The following KCNK2 variants were observed in gnomAD, a reference collection of about 807,000 sequenced individuals.
KCNK2 encodes potassium two pore domain channel subfamily K member 2, also known as potassium channel subfamily K member 2.
In KCNK2, 21 loss-of-function variants were observed where a neutral mutation model predicts 40.5. That is an observed-to-expected ratio of 0.52 (90% confidence interval 0.37 to 0.75). The LOEUF (loss-of-function observed/expected upper bound fraction) is 0.75. Among genes scored for constraint, KCNK2 ranks in the 30% least tolerant of loss-of-function variants. The probability of loss-of-function intolerance (pLI) is 0.00; values close to 1 mark genes in which losing one functional copy is unlikely to be tolerated. For missense variants in KCNK2, 399 were observed against 531.6 expected, an observed-to-expected ratio of 0.75 and a Z score of 2.45; for synonymous variants, 191 against 202.2, an observed-to-expected ratio of 0.94 and a Z score of 0.47.
chr1:215,109,797 C>A (rs1485061534), intron 2 of KCNK2, among the ~76,000 whole-genome samples: 1 of 151,996 alleles, frequency 6.6e-6, no homozygotes, highest in Non-Finnish European at 1.5e-5. Context: ...GAATCTCTAT[C>A]CTGCTTTTTA....
intron 5 of KCNK2, among the ~76,000 whole-genome samples, chr1:215,179,544 A>G (rs1664139241): frequency 6.6e-6 from 1 of 151,790 alleles, no homozygotes. Context: ...CTTTTGCTGT[A>G]TATTGTATAT....
intron 2 of KCNK2, among the ~76,000 whole-genome samples, chr1:215,103,577 C>G (rs1660310994): frequency 6.6e-6 from 1 of 151,964 alleles, no homozygotes; most frequent in Admixed American, 6.6e-5. Context: ...GATGTTTTAT[C>G]AGACAATGAC....
At chr1:215,199,848 A>T (rs1397151934) in intron 6 of KCNK2, among the ~76,000 whole-genome samples, 1 of 152,200 alleles carries the variant, frequency 6.6e-6, no homozygotes, top group East Asian at 1.9e-4. Context: ...GGAGTAGAGC[A>T]TCGTTACTAC....
At chr1:215,061,888 A>G (rs137989998) in intron 1 of KCNK2, among the ~76,000 whole-genome samples, 29 of 152,286 alleles carry the variant, frequency 1.9e-4, no homozygotes, top group African/African-American at 7.0e-4. Flanking sequence ...GTCTAAGGGT[A>G]GGAGGAATAA....
chr1:215,128,937 A>T (rs1661554024), intron 3 of KCNK2, among the ~76,000 whole-genome samples: 1 of 152,202 alleles, frequency 6.6e-6, no homozygotes. Context: ...GTGAAGTAAA[A>T]GTTTAAAAGT....
chr1:215,170,957 T>C (rs77438099), intron 4 of KCNK2, among the ~76,000 whole-genome samples: 2,132 of 152,218 alleles, frequency 0.014, 57 homozygotes, highest in African/African-American at 0.046. Context: ...CAAGCACTAT[T>C]GTATAATCTT....
intron 3 of KCNK2, among the ~76,000 whole-genome samples, chr1:215,153,264 A>G (rs1413422060): frequency 6.6e-6 from 1 of 152,180 alleles, no homozygotes; most frequent in Non-Finnish European, 1.5e-5. Flanking sequence ...GGGTTTGTCA[A>G]TTTATCATTA....
At chr1:215,104,054 A>G (rs1660332509) in intron 2 of KCNK2, among the ~76,000 whole-genome samples, 1 of 152,090 alleles carries the variant, frequency 6.6e-6, no homozygotes. Flanking sequence ...TACATCTGAA[A>G]GGCAGGCAAT....
chr1:215,064,872 C>G (rs183495513), intron 1 of KCNK2, among the ~76,000 whole-genome samples: 6 of 152,288 alleles, frequency 3.9e-5, no homozygotes, highest in Non-Finnish European at 8.8e-5. Context: ...TCCTCTTCCT[C>G]CCAATTTCTT....
intron 1 of KCNK2, among the ~76,000 whole-genome samples, chr1:215,022,179 G>A (rs939297948): frequency 3.0e-4 from 31 of 102,352 alleles, no homozygotes; most frequent in Non-Finnish European, 7.4e-4. Flanking sequence ...TCCTTTCCTA[G>A]GAGCACTCTA....
chr1:215,209,420 AT>A (rs1665494109), intron 6 of KCNK2, among the ~76,000 whole-genome samples: 2 of 49,338 alleles, frequency 4.1e-5, no homozygotes, highest in Non-Finnish European at 6.5e-5. Context: ...TATATTATAT[AT>A]AATATATATA....
chr1:215,193,524 T>C (rs1178247767), intron 5 of KCNK2, among the ~76,000 whole-genome samples: 1 of 152,226 alleles, frequency 6.6e-6, no homozygotes, highest in Middle Eastern at 3.4e-3. Context: ...CTCTCACTTA[T>C]CCCACCAAGT....
intron 1 of KCNK2, among the ~76,000 whole-genome samples, chr1:215,073,120 C>A (rs181279290): frequency 2.6e-5 from 4 of 152,122 alleles, no homozygotes; most frequent in African/African-American, 4.8e-5. Flanking sequence ...GAGACTGGAG[C>A]GCTGCGTCTA....
chr1:215,230,511 A>ATATATATATATGTATATATATATATATG (rs1666599318), intron 6 of KCNK2, among the ~76,000 whole-genome samples: 2 of 23,824 alleles, frequency 8.4e-5, no homozygotes, highest in East Asian at 8.4e-3. Flanking sequence ...ACGGCTGTAT[A>ATATATATATATGTATATATATATATATG]TATATATATA....
intron 1 of KCNK2, among the ~76,000 whole-genome samples, chr1:215,085,941 G>T (rs143718637): frequency 6.6e-6 from 1 of 152,268 alleles, no homozygotes; most frequent in African/African-American, 2.4e-5. Flanking sequence ...GTGATATAAA[G>T]TTCTTGAGAA....
At chr1:215,029,059 A>G (rs889911103) in intron 1 of KCNK2, among the ~76,000 whole-genome samples, 1 of 151,864 alleles carries the variant, frequency 6.6e-6, no homozygotes, top group Non-Finnish European at 1.5e-5. Flanking sequence ...GCCTCCATAC[A>G]TGAAAAGCTT....
chr1:215,041,627 A>G (rs1439723257), intron 1 of KCNK2, among the ~76,000 whole-genome samples: 5 of 152,196 alleles, frequency 3.3e-5, no homozygotes, highest in Non-Finnish European at 7.4e-5. Context: ...TTAAACTCAG[A>G]TATTTGTCCT....
At chr1:215,224,840 T>C (rs528289084) in intron 6 of KCNK2, among the ~76,000 whole-genome samples, 7 of 152,254 alleles carry the variant, frequency 4.6e-5, no homozygotes, top group South Asian at 2.1e-4. Flanking sequence ...ATTTATACCA[T>C]TGAAAATTAA....
At chr1:215,028,038 C>CT (rs897700102) in intron 1 of KCNK2, among the ~76,000 whole-genome samples, 9 of 151,642 alleles carry the variant, frequency 5.9e-5, no homozygotes, top group East Asian at 1.9e-4. Flanking sequence ...TAATTTTTTT[C>CT]TTTTTTTTCC....
Sources: gnomAD v4.1 joint callset for allele counts (sites outside exome capture counted in the v4.1 genomes callset) on GRCh38, gnomAD v4.1.1 for gene constraint, MANE v1.5 for transcripts, NCBI Gene and HGNC (gene_info 2026-07-23, HGNC 2026-07-21) for gene names.